Variants in SPAG9 observed in about 807,000 individuals in gnomAD.
The protein encoded by SPAG9 is sperm associated antigen 9, also known as C-Jun-amino-terminal kinase-interacting protein 4.
A neutral mutation model predicts 166.5 loss-of-function variants in SPAG9; 35 were observed. The observed-to-expected ratio is 0.21, with a 90% CI of 0.16 to 0.28. The LOEUF (loss-of-function observed/expected upper bound fraction) is 0.28. Ranked by LOEUF, SPAG9 falls within the 10% of genes least tolerant of loss-of-function variation. The probability of loss-of-function intolerance (pLI) is 1.00; values close to 1 mark genes in which losing one functional copy is unlikely to be tolerated. For synonymous variants in SPAG9, 534 were observed against 565.5 expected (o/e 0.94, Z 0.79); for missense variants, 1,235 against 1,603.3 (o/e 0.77, Z 3.92).
At chr17:51,089,620 T>TTATATATATATATATA (rs746370783) in intron 1 of SPAG9, among the ~76,000 whole-genome samples, 11 of 40,472 alleles carry the variant, frequency 2.7e-4, no homozygotes, top group South Asian at 9.8e-4. Flanking sequence ...ACACTTTATT[T>TTATATATATATATATA]TATATATATA....
chr17:51,087,228 T>G (rs2048328849), intron 1 of SPAG9, among the ~76,000 whole-genome samples: 2 of 152,222 alleles, frequency 1.3e-5, no homozygotes, highest in Admixed American at 1.3e-4. Flanking sequence ...TGCTGTAGGG[T>G]AGAATAGCTC....
Position 51,119,150 on chromosome 17 carries a change from G to C in SPAG9, c.303+1204C>G, listed in dbSNP as rs138544143. 4.0e-5 allele frequency among the ~76,000 whole-genome samples: 6 copies of C among 151,072 alleles called. No homozygotes were observed. In the East Asian group the frequency reaches 1.2e-3, roughly 29 times the overall value. On this transcript the variant is annotated intron_variant, in intron 1 of 29. Coordinates refer to ENST00000262013, the MANE Select transcript of SPAG9 (RefSeq NM_001130528.3). Reference sequence around the variant, plus strand: ...TCACTACAGTCAAGCTTTTAAAAAAGGAAAAAGAACTATTTAACCAGATGC... The same window carrying C: ...TCACTACAGTCAAGCTTTTAAAAAACGAAAAAGAACTATTTAACCAGATGC...
chr17:51,066,653 G>A (rs778198803), intron 2 of SPAG9, among the ~76,000 whole-genome samples: 5 of 150,906 alleles, frequency 3.3e-5, no homozygotes, highest in African/African-American at 7.3e-5. Flanking sequence ...TCAGGAGATC[G>A]AGACCATCCT....
intron 1 of SPAG9, among the ~76,000 whole-genome samples, chr17:51,094,667 A>T (rs193182063): frequency 1.3e-5 from 2 of 152,302 alleles, no homozygotes; most frequent in East Asian, 3.9e-4. Context: ...CCCTAATGAT[A>T]TAATAAGGAA....
At chr17:51,001,956 C>G (rs1380084704) in intron 12 of SPAG9, 111 bp from the exon 13 acceptor site, 2 of 934,834 alleles carry the variant, frequency 2.1e-6, no homozygotes, top group Non-Finnish European at 3.2e-6. Flanking sequence ...AATTTTTAAT[C>G]TAGTAGATCA....
chr17:50,990,678 A>T lies in SPAG9; in HGVS notation c.2399-10T>A. ...TCTGTTTCTCGTGCACCTGAAAAAT[A>T]AATCTTCTTGTAACAGCAAAGTAAA... On this transcript the variant is annotated splice_polypyrimidine_tract_variant and intron_variant, in intron 19 of 29. Coordinates refer to ENST00000262013, the MANE Select transcript of SPAG9 (RefSeq NM_001130528.3). The T allele has an allele frequency of 6.2e-7, 1 of 1,608,478 alleles. No homozygotes were observed. The highest frequency in any genetic ancestry group is 2.2e-5 in the East Asian group (1 of 44,856).
intron 2 of SPAG9, among the ~76,000 whole-genome samples, chr17:51,057,871 A>G (rs1161824548): frequency 6.6e-6 from 1 of 152,234 alleles, no homozygotes; most frequent in Non-Finnish European, 1.5e-5. Flanking sequence ...TGTTGTGATA[A>G]AATAATAGAT....
Position 51,104,705 on chromosome 17 carries a change from G to A in SPAG9, c.303+15649C>T, listed in dbSNP as rs1033376708. On this transcript the variant is annotated intron_variant, in intron 1 of 29. Coordinates refer to ENST00000262013, the MANE Select transcript of SPAG9 (RefSeq NM_001130528.3). The stretch of plus-strand genomic sequence containing the variant: ...TCCCAGCACTTTGGAAGGCCGAGGC[G>A]GGCGGATCACGAGGTCAGGAGATCG... Among the ~76,000 whole-genome samples the A allele has an allele frequency of 7.2e-5, 11 of 151,944 alleles. No homozygotes were observed. In the South Asian group the frequency reaches 1.5e-3, roughly 20 times the overall value.
chr17:51,041,797 T>C, intron 4 of SPAG9, 146 bp from the exon 5 acceptor site: 1 of 739,402 alleles, frequency 1.4e-6, no homozygotes, highest in Non-Finnish European at 2.2e-6. Context: ...AAAACAGACT[T>C]ACCAAAGAGG....
intron 2 of SPAG9, among the ~76,000 whole-genome samples, chr17:51,072,196 C>A (rs2047838835): frequency 6.7e-6 from 1 of 148,436 alleles, no homozygotes; most frequent in Non-Finnish European, 1.5e-5. Flanking sequence ...CTCAGCCTTC[C>A]AAGTAGGTGG....
At chr17:51,003,842 T>C (rs1235794840) in intron 12 of SPAG9, among the ~76,000 whole-genome samples, 1 of 152,204 alleles carries the variant, frequency 6.6e-6, no homozygotes, top group African/African-American at 2.4e-5. Context: ...AGCCCACTAG[T>C]AGGTATGTAC....
At chr17:51,100,861 G>A (rs1299514181) in intron 1 of SPAG9, among the ~76,000 whole-genome samples, 7 of 151,822 alleles carry the variant, frequency 4.6e-5, no homozygotes, top group East Asian at 3.9e-4. Context: ...CAGAGGTTGC[G>A]GTGAGCCAAG....
intron 6 of SPAG9, among the ~76,000 whole-genome samples, chr17:51,025,072 A>G (rs2046101840): frequency 6.6e-6 from 1 of 151,640 alleles, no homozygotes; most frequent in Admixed American, 6.6e-5. Flanking sequence ...TAATCCCAGC[A>G]CTTTGGAAGG....
chr17:51,117,855 C>A (rs189966826), intron 1 of SPAG9, among the ~76,000 whole-genome samples: 1 of 151,774 alleles, frequency 6.6e-6, no homozygotes, highest in African/African-American at 2.4e-5. Context: ...AACTGATGGC[C>A]GGGTGTGGTG....
At chr17:51,079,387 C>A (rs1291707940) in intron 2 of SPAG9, among the ~76,000 whole-genome samples, 197 bp downstream of exon 2, 2 of 152,056 alleles carry the variant, frequency 1.3e-5, no homozygotes, top group Non-Finnish European at 2.9e-5. Flanking sequence ...TACAGTCATG[C>A]ACAACCATGC....
At chr17:50,977,620 T>G (rs1367371786) in intron 26 of SPAG9, among the ~76,000 whole-genome samples, 1 of 152,152 alleles carries the variant, frequency 6.6e-6, no homozygotes, top group African/African-American at 2.4e-5. Flanking sequence ...ACAGTGAAAC[T>G]GGCAGGGCAC....
rs370447599 is a variant in SPAG9, at chr17:51,090,737, C to A, written c.304-11033G>T. Reference sequence around the variant, plus strand: ...AACAGTCACCTAATTGAGGTTAAGGCTGATAAGAGATGGCTGATATTTCTG... The same window carrying A: ...AACAGTCACCTAATTGAGGTTAAGGATGATAAGAGATGGCTGATATTTCTG... On this transcript the variant is annotated intron_variant, in intron 1 of 29. Coordinates refer to ENST00000262013, the MANE Select transcript of SPAG9 (RefSeq NM_001130528.3). Among the ~76,000 whole-genome samples the A allele has an allele frequency of 2.6e-5, 4 of 152,088 alleles. No homozygotes were observed. In the East Asian group the frequency reaches 5.8e-4, roughly 22 times the overall value.
chr17:51,048,223 A>C (rs1319893222), intron 3 of SPAG9, among the ~76,000 whole-genome samples: 1 of 152,120 alleles, frequency 6.6e-6, no homozygotes, highest in Non-Finnish European at 1.5e-5. Context: ...AAGAACTTCT[A>C]ATGTCCTATT....
At chr17:51,097,340 G>A (rs1431830826) in intron 1 of SPAG9, among the ~76,000 whole-genome samples, 1 of 152,160 alleles carries the variant, frequency 6.6e-6, no homozygotes, top group Non-Finnish European at 1.5e-5. Context: ...GGGAACCCCA[G>A]TTTATAGCCA....
Sources: gnomAD v4.1 joint callset for allele counts (sites outside exome capture counted in the v4.1 genomes callset) on GRCh38, gnomAD v4.1.1 for gene constraint, MANE v1.5 for transcripts, NCBI Gene and HGNC (gene_info 2026-07-23, HGNC 2026-07-21) for gene names.